The following TRIO variants were observed in gnomAD, a reference collection of about 807,000 sequenced individuals.
TRIO encodes triple functional domain protein.
Under a neutral mutation model 351.9 loss-of-function variants are expected in TRIO, and 58 were observed. That is an observed-to-expected ratio of 0.16 (90% CI 0.13 to 0.21). The LOEUF (loss-of-function observed/expected upper bound fraction) is 0.21, where lower values mean the gene tolerates loss of function less well. TRIO is among the 10% of genes least tolerant of loss of function. TRIO has a pLI of 1.00. For synonymous variants in TRIO, 1,758 were observed against 1,595.7 expected (o/e 1.10, Z -2.42); for missense variants, 3,201 against 4,027.8 (o/e 0.79, Z 5.56).
chr5:14,265,289 A>G (rs1450871714), intron 1 of TRIO, among the ~76,000 whole-genome samples: 3 of 152,152 alleles, frequency 2.0e-5, no homozygotes, highest in South Asian at 2.1e-4. Context: ...CAAATGGTCA[A>G]GGAATAACTG....
At chr5:14,452,082 C>G (rs796257249) in intron 34 of TRIO, among the ~76,000 whole-genome samples, 3 of 152,370 alleles carry the variant, frequency 2.0e-5, no homozygotes, top group African/African-American at 7.2e-5. Context: ...AGCAGACCCA[C>G]ATGTGTGCAT....
At chr5:14,307,245 A>G (rs1738452683) in intron 8 of TRIO, among the ~76,000 whole-genome samples, 1 of 152,114 alleles carries the variant, frequency 6.6e-6, no homozygotes, top group African/African-American at 2.4e-5. Context: ...GCAAAGCACC[A>G]TTGATACAAC....
At chr5:14,466,252 G>A (rs1382570494) in intron 37 of TRIO, 1 of 154,806 alleles carries the variant, frequency 6.5e-6, no homozygotes, top group Non-Finnish European at 1.4e-5. Context: ...CACTGCAAAT[G>A]TGGTCAGCTC....
intron 11 of TRIO, among the ~76,000 whole-genome samples, chr5:14,356,604 G>A (rs1043195651): frequency 1.3e-5 from 2 of 152,204 alleles, no homozygotes; most frequent in African/African-American, 2.4e-5. Flanking sequence ...ATATGATCCA[G>A]CCATTCTACA....
intron 16 of TRIO, 106 bp downstream of exon 16, chr5:14,367,085 T>C (rs1744664474): frequency 2.7e-6 from 4 of 1,495,004 alleles, no homozygotes; most frequent in African/African-American, 2.8e-5. Flanking sequence ...GGGGCTGGCT[T>C]GGTAAAGACG....
chr5:14,263,508 AAG>A (rs1795477558), intron 1 of TRIO, among the ~76,000 whole-genome samples: 1 of 152,240 alleles, frequency 6.6e-6, no homozygotes, highest in Admixed American at 6.5e-5. Flanking sequence ...GAAGAAGAGT[AAG>A]AGTGTTAAAA....
intron 48 of TRIO, chr5:14,488,846 G>T: frequency 1.4e-6 from 1 of 699,922 alleles, no homozygotes; most frequent in East Asian, 2.6e-5. Context: ...GGAAGACAGA[G>T]ACTGCTCTGG....
At position 14,359,459 on chromosome 5, in the gene TRIO, G is replaced by A. The variant is rs1427002018; in HGVS notation, c.2319G>A (p.Glu773=). 6.2e-7 allele frequency: 1 copy of A among 1,614,272 alleles called. No homozygotes were observed. Among genetic ancestry groups the A allele is most frequent in the Non-Finnish European group, 8.5e-7 (1 of 1,180,048 alleles). The change falls in exon 13 of 57, where the codon GAG becomes GAA. Residue 773 remains glutamate (E), a synonymous_variant. Coordinates refer to ENST00000344204, the MANE Select transcript of TRIO (RefSeq NM_007118.4). ...QLDEAQSQME[E]LFQERKIKLE... Reference sequence around the variant, plus strand: ...ACGAGGCGCAGTCGCAGATGGAGGAGCTCTTCCAGGAGCGCAAGATCAAGC... The same window carrying A: ...ACGAGGCGCAGTCGCAGATGGAGGAACTCTTCCAGGAGCGCAAGATCAAGC...
At chr5:14,348,563 T>A (rs1337708632) in intron 11 of TRIO, among the ~76,000 whole-genome samples, 1 of 152,244 alleles carries the variant, frequency 6.6e-6, no homozygotes, top group Non-Finnish European at 1.5e-5. Flanking sequence ...CACATCAGCA[T>A]GTTTTTCCTG....
At chr5:14,416,358 T>A (rs1367831066) in intron 33 of TRIO, among the ~76,000 whole-genome samples, 3 of 151,958 alleles carry the variant, frequency 2.0e-5, no homozygotes, top group Non-Finnish European at 4.4e-5. Flanking sequence ...GTTAAAAATA[T>A]TCAAATGTGA....
Position 14,166,077 on chromosome 5 carries a change from T to C in TRIO, c.157+22195T>C, listed in dbSNP as rs1381914132. On this transcript the variant is annotated intron_variant, in intron 1 of 56. Transcript: ENST00000344204. ...GTCACTCATGGCCATTGCCCATTGC[T>C]AAACTGTGCTGGAGGCAGTTAGAGA... Among the ~76,000 whole-genome samples the C allele has an allele frequency of 4.6e-5, 7 of 152,258 alleles. No individual in the cohort carries two copies. The East Asian group carries it at 1.2e-3, about 25-fold the overall frequency.
At chr5:14,377,267 A>G (rs1169439991) in intron 19 of TRIO, among the ~76,000 whole-genome samples, 1 of 146,550 alleles carries the variant, frequency 6.8e-6, no homozygotes, top group Non-Finnish European at 1.5e-5. Flanking sequence ...TTTTTTTTAG[A>G]CGGAGTCTTG....
chr5:14,213,311 G>GTA (rs1336090284), intron 1 of TRIO, among the ~76,000 whole-genome samples: 1 of 149,820 alleles, frequency 6.7e-6, no homozygotes, highest in African/African-American at 2.4e-5. Flanking sequence ...ACTAATATTG[G>GTA]TATATATAAA....
chr5:14,328,480 C>T (rs545919813), intron 9 of TRIO, among the ~76,000 whole-genome samples: 3 of 152,268 alleles, frequency 2.0e-5, no homozygotes, highest in African/African-American at 7.2e-5. Flanking sequence ...TAAAACAATG[C>T]GCTCAATACA....
At chr5:14,191,379 G>T (rs1790447927) in intron 1 of TRIO, among the ~76,000 whole-genome samples, 1 of 152,038 alleles carries the variant, frequency 6.6e-6, no homozygotes, top group Non-Finnish European at 1.5e-5. Flanking sequence ...ATTGCTTGGG[G>T]TCAGGAGTTT....
chr5:14,362,253 T>G (rs1744212651), intron 13 of TRIO, among the ~76,000 whole-genome samples: 1 of 152,238 alleles, frequency 6.6e-6, no homozygotes, highest in South Asian at 2.1e-4. Flanking sequence ...CTATAGTATT[T>G]TAGAGAAAAT....
At chr5:14,205,427 T>A (rs1791394555) in intron 1 of TRIO, among the ~76,000 whole-genome samples, 1 of 152,240 alleles carries the variant, frequency 6.6e-6, no homozygotes, top group Non-Finnish European at 1.5e-5. Context: ...TGAAGTAATG[T>A]TACAAGTCAA....
chr5:14,350,188 G>A (rs1742929468), intron 11 of TRIO, among the ~76,000 whole-genome samples: 1 of 152,084 alleles, frequency 6.6e-6, no homozygotes, highest in Admixed American at 6.5e-5. Flanking sequence ...CTAAGGAAAG[G>A]CAGGCAGGCT....
intron 1 of TRIO, among the ~76,000 whole-genome samples, chr5:14,256,923 C>T (rs1795052988): frequency 6.6e-6 from 1 of 152,210 alleles, no homozygotes; most frequent in South Asian, 2.1e-4. Flanking sequence ...CAGCCTTTAG[C>T]ATAGTGGGCC....
Sources: allele counts gnomAD v4.1 joint callset (sites outside exome capture counted in the v4.1 genomes callset), GRCh38; gene constraint gnomAD v4.1.1; transcripts MANE v1.5; gene names NCBI Gene and HGNC (gene_info 2026-07-23, HGNC 2026-07-21).